Variants in FAT4 observed in about 807,000 individuals in gnomAD.
FAT4 encodes the protein FAT atypical cadherin 4, also known as protocadherin Fat 4.
Under a neutral mutation model 303.9 loss-of-function variants are expected in FAT4, and 84 were observed. That is an observed-to-expected ratio of 0.28 (90% CI 0.23 to 0.33). The LOEUF is 0.33. FAT4 is among the 10% of genes least tolerant of loss of function. The probability of loss-of-function intolerance (pLI) is 1.00; values close to 1 mark genes in which losing one functional copy is unlikely to be tolerated. For synonymous variants in FAT4, 2,307 were observed against 2,298.8 expected, an observed-to-expected ratio of 1.00 and a Z score of -0.10; for missense variants, 6,005 against 6,146.8, an observed-to-expected ratio of 0.98 and a Z score of 0.77.
chr4:125,341,098 A>T (rs897424308), intron 2 of FAT4, among the ~76,000 whole-genome samples: 1 of 152,108 alleles, frequency 6.6e-6, no homozygotes, highest in Non-Finnish European at 1.5e-5. Context: ...AGAAGATGAG[A>T]GCAATAGTTT....
At position 125,316,299 on chromosome 4, in the gene FAT4, C is replaced by T. The variant is rs940850181; in HGVS notation, c.-12-101C>T. On this transcript the variant is annotated intron_variant, in intron 1 of 17. Transcript: ENST00000394329. The surrounding 1 kb of genome is among the most constrained non-coding windows in gnomAD (Gnocchi z 5.7). ...AGGTTCTTTGAAATAGCAGAGGTCT[C>T]AGACCAAGCCGTCAGCTGAATCTTT... 7 of 1,415,348 alleles carry T rather than the reference C, an allele frequency of 4.9e-6. No individual in the cohort carries two copies. The highest frequency in any genetic ancestry group is 4.3e-5 in the African/African-American group (3 of 69,962). 87.7% of individuals were successfully genotyped at this position (1,415,348 alleles called of 1,614,324 possible).
Position 125,487,546 on chromosome 4 carries a change from G to A in FAT4, c.13024G>A (p.Val4342Met), listed in dbSNP as rs781439378. 2.5e-6 allele frequency: 4 copies of A among 1,613,702 alleles called. No homozygotes were observed. Among genetic ancestry groups the A allele is most frequent in the Admixed American group, 1.7e-5 (1 of 59,988 alleles). The change falls in exon 17 of 18, where the codon GTG (valine) becomes ATG (methionine). Residue 4342 changes from valine to methionine, a missense_variant. Val to Met is a conservative substitution (Grantham distance 21). Coordinates refer to ENST00000394329, the MANE Select transcript of FAT4 (RefSeq NM_001291303.3). ...TACTCAGGACTTCGGTGGCCTTGAT[G>A]TGCTTACTATATCACTTGGAGGAAT... ...HPTQDFGGLD[V>M]LTISLGGIPP... is the part of the protein sequence containing the mutation.
rs769675151 is a variant in FAT4 at position 125,416,444 on chromosome 4, A to G, written c.6844-4A>G. The G allele has an allele frequency of 9.3e-6, 15 of 1,612,570 alleles. No individual in the cohort carries two copies. In the Admixed American group the frequency reaches 1.0e-4, roughly 11 times the overall value. ...CTCACATCTTGGTATGTACTGTTCT[A>G]CAGGTGGTGGCAAGAGATGATGATC... On this transcript the variant is annotated splice_region_variant and splice_polypyrimidine_tract_variant and intron_variant, in intron 6 of 17. Coordinates refer to ENST00000394329, the MANE Select transcript of FAT4 (RefSeq NM_001291303.3).
chr4:125,384,318 A>C (rs1179009909), intron 2 of FAT4, among the ~76,000 whole-genome samples: 1 of 152,126 alleles, frequency 6.6e-6, no homozygotes, highest in African/African-American at 2.4e-5. Context: ...TTTTGTATGT[A>C]CTCACCAACA....
chr4:125,318,035 C>T lies in FAT4; in HGVS notation c.1624C>T (p.Arg542Cys). 1.9e-6 allele frequency: 3 copies of T among 1,614,038 alleles called. No individual in the cohort carries two copies. The highest frequency in any genetic ancestry group is 2.5e-6 in the Non-Finnish European group (3 of 1,180,042). Residue 542 changes from arginine to cysteine, a missense_variant, in exon 2 of 18, where the codon CGT becomes TGT. By Grantham distance (180) the Arg-to-Cys change is radical. Transcript: ENST00000394329. ...CACTGGGTCCTCTGGGGGCCTGGAC[C>T]GTGAACTTGCTTCCCAGATTGTTCT... ...VTTGSSGGLD[R>C]ELASQIVLNI...
Position 125,416,372 on chromosome 4 carries a change from T to A in FAT4, c.6844-76T>A, listed in dbSNP as rs1215352694. 3 of 1,313,422 alleles carry A rather than the reference T, an allele frequency of 2.3e-6. No homozygotes were observed. In the African/African-American group the frequency reaches 4.5e-5, roughly 19 times the overall value. The allele number at this position is 1,313,422 out of a possible 1,614,324, so 81.4% of individuals were successfully genotyped here. On this transcript the variant is annotated intron_variant, in intron 6 of 17. Coordinates refer to ENST00000394329, the MANE Select transcript of FAT4 (RefSeq NM_001291303.3). ...CTCTTAACATAGTTTTACCTCATTT[T>A]TTTTTAATGGAGGCATTTTATTTCA...
chr4:125,408,894 T>G (rs746822592), intron 5 of FAT4, 100 bp downstream of exon 5: 65 of 598,042 alleles, frequency 1.1e-4, no homozygotes, highest in Non-Finnish European at 1.6e-4. Flanking sequence ...AAAATGCATT[T>G]TGTGAATATA....
intron 2 of FAT4, among the ~76,000 whole-genome samples, chr4:125,358,564 T>G (rs970442871): frequency 1.3e-5 from 2 of 152,188 alleles, no homozygotes; most frequent in African/African-American, 2.4e-5. Context: ...GGGTTTGTGC[T>G]CCTATGAGAA....
chr4:125,323,535 A>C (rs1349625349), intron 2 of FAT4, among the ~76,000 whole-genome samples: 1 of 152,206 alleles, frequency 6.6e-6, no homozygotes, highest in Non-Finnish European at 1.5e-5. Context: ...AAAAGTCAGC[A>C]TATCTTCTGT....
chr4:125,482,720 A>C (rs780423768), intron 16 of FAT4, among the ~76,000 whole-genome samples: 2 of 152,186 alleles, frequency 1.3e-5, no homozygotes, highest in Non-Finnish European at 2.9e-5. Flanking sequence ...GTTCAGAAAA[A>C]TTATTTGGTT....
Position 125,450,708 on chromosome 4 carries a change from A to G in FAT4, c.9698A>G (p.Tyr3233Cys), listed in dbSNP as rs1402828094. 1.4e-5 allele frequency: 23 copies of G among 1,614,030 alleles called. No individual in the cohort carries two copies. In the East Asian group the frequency reaches 4.5e-4, roughly 31 times the overall value. ...TCTGGAACAAATGCTGTGATTGCGT[A>G]TACTGTACAGTCATCTGACAGTGAC... The part of the protein sequence containing the change: ...ADSGTNAVIA[Y>C]TVQSSDSDLF... Residue 3233 changes from tyrosine to cysteine, a missense_variant, in exon 10 of 18, where the codon TAT becomes TGT. Tyr to Cys is a radical substitution (Grantham distance 194, BLOSUM62 -2). Transcript: ENST00000394329.
chr4:125,414,541 G>A (rs968978058), intron 5 of FAT4, among the ~76,000 whole-genome samples: 5 of 152,036 alleles, frequency 3.3e-5, no homozygotes, highest in Admixed American at 2.6e-4. Context: ...GAAAATTGGT[G>A]TCAGCCTCCC....
chr4:125,451,830 T>A lies in FAT4; in HGVS notation c.10820T>A (p.Ile3607Lys). Reference protein sequence around the residue: ...SSTGTVHITVIDQNDNPSQSR... With the variant: ...SSTGTVHITVKDQNDNPSQSR... The stretch of plus-strand genomic sequence containing the variant: ...ACAGGAACTGTGCATATCACAGTTA[T>A]AGACCAAAATGACAATCCTTCACAG... Residue 3607 changes from isoleucine (I) to lysine (K), a missense_variant, in exon 10 of 18, where the codon ATA becomes AAA. By Grantham distance (102) the Ile-to-Lys change is moderately radical. Coordinates refer to ENST00000394329, the MANE Select transcript of FAT4 (RefSeq NM_001291303.3). 6.2e-7 allele frequency: 1 copy of A among 1,614,182 alleles called. No individual in the cohort carries two copies. Among genetic ancestry groups the A allele is most frequent in the South Asian group, 1.1e-5 (1 of 91,086 alleles).
At chr4:125,422,624 G>C (rs1196357420) in intron 7 of FAT4, among the ~76,000 whole-genome samples, 3 of 152,120 alleles carry the variant, frequency 2.0e-5, no homozygotes, top group Non-Finnish European at 4.4e-5. Context: ...CCAAACTGTG[G>C]GTCAATTAAA....
At chr4:125,396,938 A>G (rs201054687) in intron 2 of FAT4, among the ~76,000 whole-genome samples, 6,172 of 19,654 alleles carry the variant, frequency 0.31, 256 homozygotes, top group South Asian at 0.51. Flanking sequence ...ATATATATAT[A>G]TATATATATA....
At position 125,316,429 on chromosome 4, in the gene FAT4, C is replaced by T; in HGVS notation, c.18C>T (p.Asp6=). The T allele has an allele frequency of 6.2e-7, 1 of 1,611,434 alleles. No homozygotes were observed. The highest frequency in any genetic ancestry group is 8.5e-7 in the Non-Finnish European group (1 of 1,178,366). The change falls in exon 2 of 18, where the codon GAC becomes GAT. Residue 6 remains aspartate (D), a synonymous_variant. Coordinates refer to ENST00000394329, the MANE Select transcript of FAT4 (RefSeq NM_001291303.3). This position sits in a 1 kb window ranked among gnomAD's most constrained non-coding sequence, Gnocchi z 5.7. ...CCAGGACCATGGACTTAGCACCAGA[C>T]AGGGCTACTGGCCGCCCGTGGCTCC... MDLAP[D]RATGRPWLPL... is the part of the protein sequence containing the mutation.
intron 2 of FAT4, among the ~76,000 whole-genome samples, chr4:125,346,831 C>T (rs997604748): frequency 1.3e-5 from 2 of 151,920 alleles, no homozygotes; most frequent in East Asian, 1.9e-4. Flanking sequence ...CAGCATTGTG[C>T]CATGGTTTGT....
chr4:125,379,878 G>A (rs77325567), intron 2 of FAT4, among the ~76,000 whole-genome samples: 22 of 151,260 alleles, frequency 1.5e-4, no homozygotes, highest in African/African-American at 5.1e-4. Flanking sequence ...ATATGCCCAC[G>A]TGTTTATGGA....
chr4:125,471,895 CAAAAAAAAAAAAAA>C (rs60730341), intron 12 of FAT4, among the ~76,000 whole-genome samples: 188 of 56,132 alleles, frequency 3.3e-3, no homozygotes, highest in Middle Eastern at 0.028. Context: ...ACTAAAAATA[CAAAAAAAAAAAAAA>C]AAAAAAAAAA....
Sources: allele counts gnomAD v4.1 joint callset (sites outside exome capture counted in the v4.1 genomes callset), GRCh38; gene constraint gnomAD v4.1.1; non-coding constraint Gnocchi (gnomAD v3.1); transcripts MANE v1.5; gene names NCBI Gene and HGNC (gene_info 2026-07-23, HGNC 2026-07-21).